FGGY: variants seen among roughly 807,000 people sequenced by gnomAD.
FGGY encodes the protein FGGY carbohydrate kinase domain containing.
In FGGY, 72 loss-of-function variants were observed where a neutral mutation model predicts 71.3. That is an observed-to-expected ratio of 1.01 (90% confidence interval 0.84 to 1.23). The LOEUF (loss-of-function observed/expected upper bound fraction) is 1.23, where lower values mean the gene tolerates loss of function less well. Among genes scored for constraint, FGGY ranks in the 50% most tolerant of loss-of-function variants. The probability of loss-of-function intolerance (pLI) is 0.00; values close to 1 mark genes in which losing one functional copy is unlikely to be tolerated. For missense variants in FGGY, 668 were observed against 682.3 expected, an observed-to-expected ratio of 0.98 and a Z score of 0.23; for synonymous variants, 251 against 250.3, an observed-to-expected ratio of 1.00 and a Z score of -0.02.
chr1:59,615,486 A>G (rs1178659439), intron 9 of FGGY, among the ~76,000 whole-genome samples: 1 of 152,258 alleles, frequency 6.6e-6, no homozygotes, highest in Admixed American at 6.5e-5. Context: ...ACCCTATACA[A>G]AAATTAATTC....
At chr1:59,534,328 A>C (rs2095252361) in intron 7 of FGGY, among the ~76,000 whole-genome samples, 1 of 152,236 alleles carries the variant, frequency 6.6e-6, no homozygotes, top group African/African-American at 2.4e-5. Flanking sequence ...ATATGGGACT[A>C]TGTGAAAAGA....
intron 9 of FGGY, among the ~76,000 whole-genome samples, chr1:59,623,805 G>A (rs980984593): frequency 2.0e-5 from 3 of 152,078 alleles, no homozygotes; most frequent in Admixed American, 6.6e-5. Flanking sequence ...CCGGAACCTA[G>A]GTGCACAGTT....
intron 8 of FGGY, among the ~76,000 whole-genome samples, chr1:59,569,153 T>C (rs1013905660): frequency 6.6e-6 from 1 of 152,202 alleles, no homozygotes; most frequent in Non-Finnish European, 1.5e-5. Flanking sequence ...AGGCATTCTG[T>C]GTATAAACTT....
At chr1:59,543,311 G>A (rs924418648) in intron 7 of FGGY, among the ~76,000 whole-genome samples, 8 of 152,168 alleles carry the variant, frequency 5.3e-5, no homozygotes, top group Non-Finnish European at 1.2e-4. Context: ...GGTGGTGTGG[G>A]TCACCTTACA....
chr1:59,373,141 G>T (rs2058004983), intron 4 of FGGY, among the ~76,000 whole-genome samples: 1 of 152,088 alleles, frequency 6.6e-6, no homozygotes, highest in Non-Finnish European at 1.5e-5. Flanking sequence ...CAGACGACAT[G>T]ATTGTGTATC....
At chr1:59,588,017 A>G (rs1393892004) in intron 8 of FGGY, among the ~76,000 whole-genome samples, 2 of 152,204 alleles carry the variant, frequency 1.3e-5, no homozygotes, top group African/African-American at 2.4e-5. Context: ...GGAAATTCAA[A>G]CCAAAGGCAA....
intron 14 of FGGY, among the ~76,000 whole-genome samples, chr1:59,714,291 T>A (rs181150059): frequency 6.6e-6 from 1 of 152,284 alleles, no homozygotes; most frequent in Admixed American, 6.5e-5. Flanking sequence ...AGTGGAAGGA[T>A]TATGTCTGTC....
Position 59,363,197 on chromosome 1 carries a change from A to G in FGGY, c.466-15552A>G, listed in dbSNP as rs530269771. Reference sequence around the variant, plus strand: ...TCCTATGAGTTAAATGTTGCTACCAATGAACAAAGTGAGACTCATAGACAT... The same window carrying G: ...TCCTATGAGTTAAATGTTGCTACCAGTGAACAAAGTGAGACTCATAGACAT... On this transcript the variant is annotated intron_variant, in intron 4 of 15. Transcript: ENST00000303721. 5.5e-4 allele frequency among the ~76,000 whole-genome samples: 84 copies of G among 152,328 alleles called. 3 individuals are homozygous for G. The South Asian group carries it at 0.013, about 23-fold the overall frequency.
At chr1:59,561,008 G>T (rs182838679) in intron 8 of FGGY, among the ~76,000 whole-genome samples, 192 of 152,300 alleles carry the variant, frequency 1.3e-3, no homozygotes, top group African/African-American at 4.4e-3. Context: ...CCTGAGGCCT[G>T]AGCAGGATGT....
chr1:59,741,782 C>CA (rs991361520), intron 14 of FGGY, among the ~76,000 whole-genome samples: 4 of 151,962 alleles, frequency 2.6e-5, no homozygotes, highest in South Asian at 2.1e-4. Flanking sequence ...TAAAAAAATA[C>CA]AAAAAAATTA....
intron 6 of FGGY, among the ~76,000 whole-genome samples, chr1:59,507,697 T>A (rs962069175): frequency 1.4e-5 from 2 of 147,354 alleles, no homozygotes; most frequent in African/African-American, 5.1e-5. Context: ...TTTTTTTTTT[T>A]TTTTTTTTTT....
chr1:59,667,456 G>T, intron 13 of FGGY, 53 bp downstream of exon 13: 1 of 1,601,026 alleles, frequency 6.2e-7, no homozygotes, highest in Non-Finnish European at 8.5e-7. Flanking sequence ...CAGCAAATGG[G>T]CATGGCCAAG....
At chr1:59,449,171 C>T (rs1262576514) in intron 5 of FGGY, among the ~76,000 whole-genome samples, 1 of 152,086 alleles carries the variant, frequency 6.6e-6, no homozygotes, top group Non-Finnish European at 1.5e-5. Context: ...GTGAATTGAC[C>T]CTTTTCTCAA....
intron 13 of FGGY, among the ~76,000 whole-genome samples, chr1:59,670,249 C>T (rs745809296): frequency 1.3e-5 from 2 of 152,194 alleles, no homozygotes; most frequent in Admixed American, 6.5e-5. Context: ...ACCCAGGACT[C>T]AGAGAAAAGA....
rs1254073507 is a variant in FGGY, at chr1:59,596,029, A to C, written c.904-11774A>C. ...GTTCTGCAGTGTTTACATACCTTAC[A>C]TATTAGCGTGATCTTTTATAGAGTA... is the stretch of plus-strand genomic sequence containing the variant. On this transcript the variant is annotated intron_variant, in intron 8 of 15. Coordinates refer to ENST00000303721, the MANE Select transcript of FGGY (RefSeq NM_018291.5). Among the ~76,000 whole-genome samples, 3 of 152,196 alleles carry C rather than the reference A, an allele frequency of 2.0e-5. No homozygotes were observed. The East Asian group carries it at 5.8e-4, about 29-fold the overall frequency.
At chr1:59,517,906 T>C (rs949344627) in intron 7 of FGGY, among the ~76,000 whole-genome samples, 1 of 152,216 alleles carries the variant, frequency 6.6e-6, no homozygotes, top group Non-Finnish European at 1.5e-5. Context: ...TAGTTATACT[T>C]GGCTTATTTC....
intron 7 of FGGY, among the ~76,000 whole-genome samples, chr1:59,537,625 C>G (rs1204783069): frequency 1.3e-5 from 2 of 152,158 alleles, no homozygotes; most frequent in African/African-American, 4.8e-5. Context: ...ACCAAAACAG[C>G]ATGGTACTGG....
rs114601020 is a variant in FGGY at position 59,674,073 on chromosome 1, C to A, written c.1452C>A (p.Ser484=). The A allele has an allele frequency of 1.2e-6, 2 of 1,613,988 alleles. No individual in the cohort carries two copies. The highest frequency in any genetic ancestry group is 1.7e-6 in the Non-Finnish European group (2 of 1,179,948). Residue 484 remains serine, a synonymous_variant, in exon 14 of 16, where the codon TCC becomes TCA. Coordinates refer to ENST00000303721, the MANE Select transcript of FGGY (RefSeq NM_018291.5). ...TGGTCCTGTCGCAAGAGGTGGAGTC[C>A]GTTCTTGTGGGTGCTGCTGTTCTGG... ...MPVVLSQEVE[S]VLVGAAVLGA...
At chr1:59,298,349 G>T (rs1380898681) in intron 1 of FGGY, among the ~76,000 whole-genome samples, 1 of 152,066 alleles carries the variant, frequency 6.6e-6, no homozygotes. Flanking sequence ...GATCAGAGGG[G>T]GTCAGCTGGG....
Sources: allele counts gnomAD v4.1 joint callset (sites outside exome capture counted in the v4.1 genomes callset), GRCh38; gene constraint gnomAD v4.1.1; transcripts MANE v1.5; gene names NCBI Gene and HGNC (gene_info 2026-07-23, HGNC 2026-07-21).